SH3D19: variants seen among roughly 807,000 people sequenced by gnomAD.
SH3D19 encodes the protein SH3 domain-containing protein 19.
A neutral mutation model predicts 112.1 loss-of-function variants in SH3D19; 58 were observed. The observed-to-expected ratio is 0.52, with a 90% CI of 0.42 to 0.64. The LOEUF (loss-of-function observed/expected upper bound fraction) is 0.64. SH3D19 is among the 30% of genes least tolerant of loss of function. The pLI, the probability that SH3D19 is intolerant of heterozygous loss-of-function variation, is 0.00. For missense variants in SH3D19, 1,090 were observed against 1,263.4 expected, an observed-to-expected ratio of 0.86 and a Z score of 2.08; for synonymous variants, 391 against 448.5, an observed-to-expected ratio of 0.87 and a Z score of 1.62.
chr4:151,145,218 T>C (rs1469402745), intron 11 of SH3D19, among the ~76,000 whole-genome samples: 1 of 152,208 alleles, frequency 6.6e-6, no homozygotes. Context: ...ATTTTGAATG[T>C]ATTGAGTTTT....
At chr4:151,212,673 A>C (rs915015532) in intron 2 of SH3D19, among the ~76,000 whole-genome samples, 1 of 152,254 alleles carries the variant, frequency 6.6e-6, no homozygotes, top group African/African-American at 2.4e-5. Flanking sequence ...GCAGATGTAC[A>C]GGGAGATTCA....
At chr4:151,230,409 T>A (rs772964581) in intron 1 of SH3D19, among the ~76,000 whole-genome samples, 1 of 152,200 alleles carries the variant, frequency 6.6e-6, no homozygotes, top group Non-Finnish European at 1.5e-5. Flanking sequence ...CAGGCTTTGA[T>A]GATTTAGCTT....
At chr4:151,240,141 G>C (rs1034680056) in intron 1 of SH3D19, among the ~76,000 whole-genome samples, 1 of 151,956 alleles carries the variant, frequency 6.6e-6, no homozygotes, top group Admixed American at 6.6e-5. Flanking sequence ...ACAATGTTAT[G>C]GGCCTGTAGT....
At chr4:151,125,014 A>C (rs1748877352) in intron 19 of SH3D19, among the ~76,000 whole-genome samples, 1 of 152,078 alleles carries the variant, frequency 6.6e-6, no homozygotes, top group African/African-American at 2.4e-5. Flanking sequence ...AACGGGATAC[A>C]TTTTGAGCCA....
chr4:151,214,470 C>CT (rs1766609026), intron 2 of SH3D19, among the ~76,000 whole-genome samples: 2 of 99,878 alleles, frequency 2.0e-5, no homozygotes, highest in East Asian at 3.7e-4. Context: ...GCTGACCCCC[C>CT]ACCTCCCTCC....
chr4:151,225,646 T>C (rs1242915689), intron 2 of SH3D19, among the ~76,000 whole-genome samples: 3 of 152,250 alleles, frequency 2.0e-5, no homozygotes, highest in Admixed American at 6.5e-5. Context: ...TCTGCTTTTT[T>C]CATGCTTTGT....
At position 151,174,970 on chromosome 4, in the gene SH3D19, C is replaced by A. The variant is rs1159406076; in HGVS notation, c.1234G>T (p.Gly412Trp). 1 of 1,614,180 alleles carries A rather than the reference C, an allele frequency of 6.2e-7. No homozygotes were observed. The highest frequency in any genetic ancestry group is 1.7e-5 in the Admixed American group (1 of 60,028). Reference sequence around the variant, plus strand: ...GGGGCAGGAGTTGGCACTTTCTTCCCACTATCAGAGCTCTCAGCCAGGGGC... The same window carrying A: ...GGGGCAGGAGTTGGCACTTTCTTCCAACTATCAGAGCTCTCAGCCAGGGGC... Reference protein sequence around the residue: ...RGPLAESSDSGKKVPTPAPRP... With the variant: ...RGPLAESSDSWKKVPTPAPRP... Residue 412 changes from glycine to tryptophan, a missense_variant, in exon 7 of 20, where the codon GGG (glycine) becomes TGG (tryptophan). Gly to Trp is a radical substitution (Grantham distance 184). Transcript: ENST00000604030.
chr4:151,148,254 TACAC>T (rs34219685), intron 10 of SH3D19, 68 bp from the exon 11 acceptor site: 33,421 of 977,034 alleles, frequency 0.034, 173 homozygotes, highest in Middle Eastern at 0.057. Context: ...TGTCCTGTCT[TACAC>T]ACACACACAC....
chr4:151,274,140 C>T (rs145332611), intron 1 of SH3D19, among the ~76,000 whole-genome samples: 1 of 151,956 alleles, frequency 6.6e-6, no homozygotes, highest in African/African-American at 2.4e-5. Flanking sequence ...GATTTTCATC[C>T]CCATCAAGCA....
intron 4 of SH3D19, among the ~76,000 whole-genome samples, chr4:151,179,072 AAGCAG>A (rs1760408965): frequency 6.6e-6 from 1 of 152,218 alleles, no homozygotes; most frequent in Non-Finnish European, 1.5e-5. Context: ...CATTTCTCTG[AAGCAG>A]TTACAATGCT....
At chr4:151,260,953 T>C (rs1055349545) in intron 1 of SH3D19, among the ~76,000 whole-genome samples, 3 of 152,206 alleles carry the variant, frequency 2.0e-5, no homozygotes, top group Admixed American at 2.0e-4. Flanking sequence ...TACTCTCTAC[T>C]TTAAAATTGT....
chr4:151,287,652 T>TGA (rs1774941242), intron 1 of SH3D19, among the ~76,000 whole-genome samples: 2 of 152,172 alleles, frequency 1.3e-5, no homozygotes, highest in Admixed American at 6.5e-5. Context: ...CCCAGCACTT[T>TGA]GAGAGGCCAA....
At chr4:151,299,939 C>T (rs879700942) in intron 1 of SH3D19, among the ~76,000 whole-genome samples, 1 of 152,160 alleles carries the variant, frequency 6.6e-6, no homozygotes, top group Non-Finnish European at 1.5e-5. Context: ...TGGTGGCTCA[C>T]GCCTGTAATC....
intron 13 of SH3D19, among the ~76,000 whole-genome samples, chr4:151,138,831 TTTG>T (rs1358903819): frequency 4.6e-5 from 7 of 152,238 alleles, no homozygotes; most frequent in Admixed American, 6.5e-5. Flanking sequence ...TTACAATTTT[TTTG>T]TTGTTGTTGT....
intron 2 of SH3D19, among the ~76,000 whole-genome samples, chr4:151,214,784 C>G (rs368324963): frequency 0.13 from 5,886 of 44,670 alleles, 30 homozygotes; most frequent in Non-Finnish European, 0.27. Context: ...ACCTCCCTCC[C>G]GGACGGAGCG....
At chr4:151,200,925 C>T (rs1367541455) in intron 2 of SH3D19, among the ~76,000 whole-genome samples, 6 of 152,206 alleles carry the variant, frequency 3.9e-5, no homozygotes, top group East Asian at 1.9e-4. Context: ...ATTGGAATTA[C>T]GCTCAGAGAG....
intron 1 of SH3D19, among the ~76,000 whole-genome samples, chr4:151,270,926 A>G (rs1010384349): frequency 2.0e-5 from 3 of 152,134 alleles, no homozygotes; most frequent in African/African-American, 2.4e-5. Context: ...AGAGAAGTCA[A>G]TTATTCTTTT....
intron 11 of SH3D19, among the ~76,000 whole-genome samples, chr4:151,147,210 G>A (rs993828375): frequency 2.6e-5 from 4 of 152,144 alleles, no homozygotes; most frequent in African/African-American, 9.7e-5. Context: ...TTGCAGCAGT[G>A]CACTATGATT....
intron 1 of SH3D19, chr4:151,282,988 A>G: frequency 1.4e-6 from 1 of 707,628 alleles, no homozygotes; most frequent in Non-Finnish European, 2.4e-6. Context: ...CCCATAAGCA[A>G]ATATGATTGG....
Sources: gnomAD v4.1 joint callset for allele counts (sites outside exome capture counted in the v4.1 genomes callset) on GRCh38, gnomAD v4.1.1 for gene constraint, MANE v1.5 for transcripts, NCBI Gene and HGNC (gene_info 2026-07-23, HGNC 2026-07-21) for gene names.